The following PBRM1 variants were observed in gnomAD, a reference collection of about 807,000 sequenced individuals.
The protein encoded by PBRM1 is protein polybromo-1.
A neutral mutation model predicts 194.5 loss-of-function variants in PBRM1; 27 were observed. That is an observed-to-expected ratio of 0.14 (90% CI 0.10 to 0.19). PBRM1 has a LOEUF of 0.19. Among genes scored for constraint, PBRM1 ranks in the 10% least tolerant of loss-of-function variants. The pLI is 1.00. For synonymous variants in PBRM1, 655 were observed against 693.2 expected (o/e 0.94, Z 0.87); for missense variants, 1,466 against 2,077.2 (o/e 0.71, Z 5.72).
In PBRM1 at chr3:52,579,217, G is replaced by A. The variant is rs750161871; in HGVS notation, c.3388-18C>T. On this transcript the variant is annotated intron_variant, in intron 20 of 29. Coordinates refer to ENST00000296302, the Ensembl canonical transcript of PBRM1. ...TCTTTTTCCTGTTGTAAAGAAAACT[G>A]GCTGAAGAAAGGTAGTTGATAATCA... 1 of 1,610,956 alleles carries A rather than the reference G, an allele frequency of 6.2e-7. No homozygotes were observed. The highest frequency in any genetic ancestry group is 1.1e-5 in the South Asian group (1 of 91,000).
chr3:52,646,461 A>G (rs1457309012), intron 7 of PBRM1, among the ~76,000 whole-genome samples: 1 of 152,192 alleles, frequency 6.6e-6, no homozygotes, highest in Non-Finnish European at 1.5e-5. Flanking sequence ...ATTGCTTTTT[A>G]TATTTATGAA....
intron 3 of PBRM1, among the ~76,000 whole-genome samples, chr3:52,666,813 G>A (rs887678495): frequency 6.8e-6 from 1 of 146,474 alleles, no homozygotes; most frequent in South Asian, 2.1e-4. Flanking sequence ...GATTGCTTGA[G>A]CCCAGGAGAC....
downstream of PBRM1, chr3:52,546,413 T>C (rs1027760118): frequency 8.7e-6 from 2 of 229,180 alleles, no homozygotes; most frequent in African/African-American, 4.4e-5. Context: ...TTAAAATACT[T>C]GATGCAAATT....
At chr3:52,680,109 A>T (rs1215713429), upstream of PBRM1, among the ~76,000 whole-genome samples, 1 of 152,190 alleles carries the variant, frequency 6.6e-6, no homozygotes, top group Non-Finnish European at 1.5e-5. Context: ...TGGGGTACAG[A>T]GGCCCCAAGG....
intron 6 of PBRM1, among the ~76,000 whole-genome samples, chr3:52,648,955 C>T (rs1325793667): frequency 6.6e-6 from 1 of 152,140 alleles, no homozygotes; most frequent in Non-Finnish European, 1.5e-5. Context: ...CCCAGGAATA[C>T]TCATATAGTT....
chr3:52,603,486 T>G, intron 17 of PBRM1, 35 bp downstream of exon 19: 1 of 1,569,560 alleles, frequency 6.4e-7, no homozygotes. Flanking sequence ...AGACAGTGCA[T>G]TTTTTCATAT....
intron 5 of PBRM1, among the ~76,000 whole-genome samples, chr3:52,654,566 AC>A (rs2096571867): frequency 6.6e-6 from 1 of 152,002 alleles, no homozygotes; most frequent in Non-Finnish European, 1.5e-5. Context: ...AAACTGTCAC[AC>A]CCTGAGAGAC....
intron 21 of PBRM1, 54 bp from the exon 24 acceptor site, chr3:52,576,752 T>A (rs2153662501): frequency 1.4e-6 from 2 of 1,389,860 alleles, no homozygotes; most frequent in African/African-American, 1.5e-5. Flanking sequence ...CTTGAAGGAT[T>A]AATCTAACAA....
At chr3:52,568,475 T>C (rs1046892178) in intron 22 of PBRM1, among the ~76,000 whole-genome samples, 5 of 152,214 alleles carry the variant, frequency 3.3e-5, no homozygotes, top group Non-Finnish European at 1.5e-5. Context: ...ATTTTCCATT[T>C]TTATACAGCT....
chr3:52,604,430 G>C (rs1222009951), intron 16 of PBRM1, among the ~76,000 whole-genome samples: 2 of 152,244 alleles, frequency 1.3e-5, no homozygotes, highest in Non-Finnish European at 2.9e-5. Context: ...GCCAGGCATG[G>C]TGGCTCATGC....
At chr3:52,575,705 A>G (rs2089376772) in intron 22 of PBRM1, among the ~76,000 whole-genome samples, 1 of 145,388 alleles carries the variant, frequency 6.9e-6, no homozygotes. Flanking sequence ...AGCAGAGACA[A>G]GGTTTCACTA....
intron 3 of PBRM1, among the ~76,000 whole-genome samples, chr3:52,667,053 T>C (rs368026029): frequency 1.1e-4 from 16 of 152,078 alleles, no homozygotes; most frequent in African/African-American, 3.9e-4. Context: ...GCAGAGAGAA[T>C]AGTGTTGGTT....
At chr3:52,630,119 A>G (rs1376172663) in intron 11 of PBRM1, among the ~76,000 whole-genome samples, 1 of 152,188 alleles carries the variant, frequency 6.6e-6, no homozygotes. Flanking sequence ...AATACCCTCA[A>G]ACAGACAGAA....
upstream of PBRM1, chr3:52,682,286 C>T (rs976297893): frequency 6.7e-6 from 1 of 150,064 alleles, no homozygotes; most frequent in African/African-American, 2.5e-5. Context: ...AAAACACCCT[C>T]CCCCACAAAA....
chr3:52,556,642 C>T (rs1052618292), intron 26 of PBRM1, among the ~76,000 whole-genome samples: 10 of 152,220 alleles, frequency 6.6e-5, no homozygotes, highest in African/African-American at 2.2e-4. Flanking sequence ...AGCTTCAATG[C>T]TTGTAAGCAA....
chr3:52,551,233 G>C (rs1404288828), intron 27 of PBRM1, among the ~76,000 whole-genome samples: 1 of 152,180 alleles, frequency 6.6e-6, no homozygotes, highest in Non-Finnish European at 1.5e-5. Context: ...AATGTGCTAG[G>C]ACAGCAGGGA....
intron 1 of PBRM1, among the ~76,000 whole-genome samples, chr3:52,678,841 A>G (rs190554313): frequency 6.6e-6 from 1 of 152,306 alleles, no homozygotes; most frequent in East Asian, 1.9e-4. Context: ...TGTCTTCTAA[A>G]CTATATCAGT....
intron 13 of PBRM1, among the ~76,000 whole-genome samples, chr3:52,625,619 G>A (rs2095422879): frequency 6.7e-6 from 1 of 149,886 alleles, no homozygotes; most frequent in African/African-American, 2.5e-5. Context: ...TTGTCACCCA[G>A]GCTGGAGTGC....
intron 2 of PBRM1, among the ~76,000 whole-genome samples, chr3:52,672,694 A>T (rs571847709): frequency 6.6e-6 from 1 of 151,778 alleles, no homozygotes; most frequent in South Asian, 2.1e-4. Context: ...GGCTTTCTCC[A>T]TGTTGGTCAG....
Sources: gnomAD v4.1 joint callset for allele counts (sites outside exome capture counted in the v4.1 genomes callset) on GRCh38, gnomAD v4.1.1 for gene constraint, MANE v1.5 for transcripts, NCBI Gene and HGNC (gene_info 2026-07-23, HGNC 2026-07-21) for gene names.